Variants in CACNB2 observed in about 807,000 individuals in gnomAD.
CACNB2 encodes the protein calcium voltage-gated channel auxiliary subunit beta 2.
A neutral mutation model predicts 73.3 loss-of-function variants in CACNB2; 42 were observed. The observed-to-expected ratio is 0.57, with a 90% CI of 0.45 to 0.74. The LOEUF (loss-of-function observed/expected upper bound fraction) is 0.74. CACNB2 is among the 30% of genes least tolerant of loss of function. CACNB2 has a pLI of 0.00. For synonymous variants in CACNB2, 348 were observed against 310.3 expected, an observed-to-expected ratio of 1.12 and a Z score of -1.28; for missense variants, 940 against 853.0, an observed-to-expected ratio of 1.10 and a Z score of -1.27.
intron 1 of CACNB2, among the ~76,000 whole-genome samples, chr10:18,142,499 A>G (rs139683109): frequency 6.6e-6 from 1 of 152,328 alleles, no homozygotes; most frequent in Non-Finnish European, 1.5e-5. Context: ...GACCTCGGTT[A>G]TTCTAGGATG....
intron 10 of CACNB2, among the ~76,000 whole-genome samples, chr10:18,530,651 GT>G (rs1418893814): frequency 6.6e-6 from 1 of 151,984 alleles, no homozygotes; most frequent in Non-Finnish European, 1.5e-5. Flanking sequence ...GGGACTCAAA[GT>G]TCGGTTCCCA....
chr10:18,285,662 C>T (rs1190947067), intron 2 of CACNB2, among the ~76,000 whole-genome samples: 2 of 152,204 alleles, frequency 1.3e-5, no homozygotes, highest in Admixed American at 6.5e-5. Flanking sequence ...GAGTTTGTTA[C>T]ACAGCAGTTG....
chr10:18,220,221 A>G (rs543755042), intron 2 of CACNB2, among the ~76,000 whole-genome samples: 5,691 of 57,216 alleles, frequency 0.099, 1,095 homozygotes, highest in African/African-American at 0.31. Flanking sequence ...ATATATATAT[A>G]TATATATATA....
chr10:18,224,883 C>T (rs541605955), intron 2 of CACNB2, among the ~76,000 whole-genome samples: 1 of 152,210 alleles, frequency 6.6e-6, no homozygotes, highest in African/African-American at 2.4e-5. Flanking sequence ...TCCGCCTCCT[C>T]CCTGCTACAT....
rs887556249 is a variant in CACNB2 at position 18,268,877 on chromosome 10, G to C, written c.213+117902G>C. Among the ~76,000 whole-genome samples, 4 of 152,276 alleles carry C rather than the reference G, an allele frequency of 2.6e-5. No homozygotes were observed. The East Asian group carries it at 7.7e-4, about 29-fold the overall frequency. On this transcript the variant is annotated intron_variant, in intron 2 of 13. Coordinates refer to ENST00000324631, the MANE Select transcript of CACNB2 (RefSeq NM_201596.3). ...TCATAAATGGAGGAGTCTACTGATT[G>C]AGAAATTGTCATATGTACTCAAAGT...
chr10:18,352,024 A>C (rs1317938360), intron 2 of CACNB2, among the ~76,000 whole-genome samples: 1 of 152,222 alleles, frequency 6.6e-6, no homozygotes, highest in Non-Finnish European at 1.5e-5. Flanking sequence ...ACCTGTTTGC[A>C]GAGCTCTGAC....
intron 2 of CACNB2, among the ~76,000 whole-genome samples, chr10:18,275,384 G>C (rs2131667124): frequency 6.6e-6 from 1 of 152,308 alleles, no homozygotes; most frequent in South Asian, 2.1e-4. Flanking sequence ...TAAGGGGATA[G>C]ATACAAGAGA....
At position 18,442,757 on chromosome 10, in the gene CACNB2, G is replaced by A. The variant is rs184266157; in HGVS notation, c.333+40714G>A. Among the ~76,000 whole-genome samples, 590 of 150,686 alleles carry A rather than the reference G, an allele frequency of 3.9e-3. 4 individuals are homozygous for A. The highest frequency in any genetic ancestry group is 0.014 in the African/African-American group (560 of 41,200). On this transcript the variant is annotated intron_variant, in intron 3 of 13. Transcript: ENST00000324631. ...GGAGAATTCCTGGAACCAGGGCATCGGAGGTTGCAGTGAGCCGAGATGGCG... is the reference window on the plus strand; with the variant it reads ...GGAGAATTCCTGGAACCAGGGCATCAGAGGTTGCAGTGAGCCGAGATGGCG...
At chr10:18,467,457 C>A (rs928457354) in intron 3 of CACNB2, among the ~76,000 whole-genome samples, 4 of 152,114 alleles carry the variant, frequency 2.6e-5, no homozygotes, top group African/African-American at 9.7e-5. Context: ...GAGGTGGTTC[C>A]TACCTCAAAA....
chr10:18,372,642 G>A (rs957578537), intron 2 of CACNB2, among the ~76,000 whole-genome samples: 3 of 152,094 alleles, frequency 2.0e-5, no homozygotes, highest in African/African-American at 7.2e-5. Flanking sequence ...TCTGACCTCA[G>A]GTCATCCACC....
intron 4 of CACNB2, among the ~76,000 whole-genome samples, chr10:18,500,472 AC>A (rs1332385399): frequency 6.6e-6 from 1 of 152,182 alleles, no homozygotes; most frequent in African/African-American, 2.4e-5. Context: ...GATTTCTGTA[AC>A]AGTACTTCCT....
chr10:18,434,503 T>C (rs1467612722), intron 3 of CACNB2, among the ~76,000 whole-genome samples: 3 of 152,196 alleles, frequency 2.0e-5, no homozygotes, highest in African/African-American at 7.2e-5. Context: ...CAACCTGGAA[T>C]AGCATTTCCC....
chr10:18,236,471 T>G (rs16917080), intron 2 of CACNB2, among the ~76,000 whole-genome samples: 2,539 of 152,332 alleles, frequency 0.017, 51 homozygotes, highest in East Asian at 0.11. Context: ...ATTACATGTC[T>G]TGGACAATCT....
At position 18,214,440 on chromosome 10, in the gene CACNB2, A is replaced by G. The variant is rs1208189741; in HGVS notation, c.213+63465A>G. Among the ~76,000 whole-genome samples the G allele has an allele frequency of 2.7e-5, 2 of 73,264 alleles. 1 individual carries two copies. The highest frequency in any genetic ancestry group is 8.4e-5 in the Non-Finnish European group (2 of 23,854). 48.1% of individuals were successfully genotyped at this position (73,264 alleles called of 152,430 possible). On this transcript the variant is annotated intron_variant, in intron 2 of 13. Transcript: ENST00000324631. ...CAGAAGTTCGAGACCAGCCTGGCCA[A>G]CATGGTGGAACCCCATCTTTACCAA...
At chr10:18,389,367 G>A (rs1167032602) in intron 2 of CACNB2, among the ~76,000 whole-genome samples, 1 of 152,156 alleles carries the variant, frequency 6.6e-6, no homozygotes, top group East Asian at 1.9e-4. Flanking sequence ...TTGAACTCCT[G>A]GGCTCATGCA....
chr10:18,205,700 T>G (rs2035060019), intron 2 of CACNB2, among the ~76,000 whole-genome samples: 1 of 152,182 alleles, frequency 6.6e-6, no homozygotes. Flanking sequence ...ATGGGGTCCT[T>G]GGCCTGATCT....
At chr10:18,496,924 G>A (rs2049865342) in intron 3 of CACNB2, among the ~76,000 whole-genome samples, 1 of 148,952 alleles carries the variant, frequency 6.7e-6, no homozygotes, top group Non-Finnish European at 1.5e-5. Flanking sequence ...GAAATACATA[G>A]AAGAGGCCAG....
intron 2 of CACNB2, among the ~76,000 whole-genome samples, chr10:18,326,201 G>GA (rs966937067): frequency 5.9e-5 from 9 of 152,178 alleles, no homozygotes; most frequent in South Asian, 4.2e-4. Flanking sequence ...TTTTAAAAAG[G>GA]AAAAAAATGG....
chr10:18,440,590 G>C (rs764540408), intron 3 of CACNB2, among the ~76,000 whole-genome samples: 3 of 152,132 alleles, frequency 2.0e-5, no homozygotes, highest in Non-Finnish European at 4.4e-5. Flanking sequence ...GCAGTGAGTT[G>C]TGATCATGCC....
Sources: gnomAD v4.1 joint callset for allele counts (sites outside exome capture counted in the v4.1 genomes callset) on GRCh38, gnomAD v4.1.1 for gene constraint, MANE v1.5 for transcripts, NCBI Gene and HGNC (gene_info 2026-07-23, HGNC 2026-07-21) for gene names.